CFAP92: variants seen among roughly 807,000 people sequenced by gnomAD.
The protein encoded by CFAP92 is cilia and flagella associated protein 92 (putative).
CFAP92 carries 86 observed loss-of-function variants against 106.3 expected under a neutral mutation model. The observed-to-expected ratio is 0.81, with a 90% CI of 0.68 to 0.97. The LOEUF is 0.97. CFAP92 is among the 50% of genes least tolerant of loss of function. The pLI is 0.00. For missense variants in CFAP92, 1,204 were observed against 1,283.8 expected (o/e 0.94, Z 0.95); for synonymous variants, 477 against 506.4 (o/e 0.94, Z 0.78).
intron 1 of CFAP92, among the ~76,000 whole-genome samples, chr3:129,000,044 C>T (rs1216596988): frequency 6.6e-6 from 1 of 152,176 alleles, no homozygotes; most frequent in Non-Finnish European, 1.5e-5. Flanking sequence ...TGTGCATAAT[C>T]AGCTTGTGGC....
chr3:128,929,408 C>A (rs1250338371), intron 12 of CFAP92, among the ~76,000 whole-genome samples: 1 of 152,100 alleles, frequency 6.6e-6, no homozygotes, highest in Admixed American at 6.6e-5. Context: ...TATGACCCAG[C>A]AATTCCACTC....
the CFAP92 span, among the ~76,000 whole-genome samples, chr3:129,007,882 G>C: frequency 6.6e-6 from 1 of 152,164 alleles, no homozygotes; most frequent in Non-Finnish European, 1.5e-5. Context: ...TATCTCTGTA[G>C]CATTCAACCA....
the CFAP92 span, among the ~76,000 whole-genome samples, chr3:129,009,780 G>A: frequency 1.7e-3 from 263 of 152,282 alleles, 1 homozygote; most frequent in African/African-American, 6.0e-3. Flanking sequence ...CTGAAGCCCC[G>A]GGAGGAAACC....
At chr3:129,001,809 G>A (rs1944773502) in intron 1 of CFAP92, 1 of 1,545,520 alleles carries the variant, frequency 6.5e-7, no homozygotes, top group Middle Eastern at 1.7e-4. Flanking sequence ...GTACCTGCAG[G>A]AGGTCTTCCA....
At chr3:128,912,557 C>G (rs1936453573) in intron 15 of CFAP92, 18 of 1,614,050 alleles carry the variant, frequency 1.1e-5, no homozygotes, top group Admixed American at 1.7e-5. Flanking sequence ...CCAGCAGATC[C>G]TTGAGAAGCG....
chr3:128,946,638 A>G (rs535957448), intron 9 of CFAP92, among the ~76,000 whole-genome samples: 2 of 152,352 alleles, frequency 1.3e-5, no homozygotes, highest in South Asian at 2.1e-4. Context: ...TTTACACGGA[A>G]GCTGAGAATT....
intron 7 of CFAP92, among the ~76,000 whole-genome samples, chr3:128,972,216 C>T (rs1301813058): frequency 6.6e-6 from 1 of 151,812 alleles, no homozygotes; most frequent in East Asian, 1.9e-4. Context: ...ATCTAGGAGA[C>T]TATACTGACA....
At chr3:129,006,596 G>A (rs751079878), upstream of CFAP92, among the ~76,000 whole-genome samples, 12 of 152,222 alleles carry the variant, frequency 7.9e-5, no homozygotes, top group Non-Finnish European at 1.6e-4. Flanking sequence ...GATTACAGGT[G>A]TGAGCCACTG....
intron 12 of CFAP92, among the ~76,000 whole-genome samples, chr3:128,924,145 A>G (rs555743441): frequency 1.5e-4 from 23 of 152,256 alleles, no homozygotes; most frequent in Admixed American, 6.5e-4. Context: ...GAGTGTTGGG[A>G]AAAAAGCTGA....
chr3:128,998,095 C>T (rs527705189), upstream of CFAP92, among the ~76,000 whole-genome samples: 1 of 152,186 alleles, frequency 6.6e-6, no homozygotes, highest in African/African-American at 2.4e-5. Context: ...TATACAACTT[C>T]TTTGGTGAAA....
At chr3:128,998,837 T>C (rs1479080832), upstream of CFAP92, among the ~76,000 whole-genome samples, 2 of 152,196 alleles carry the variant, frequency 1.3e-5, no homozygotes, top group African/African-American at 2.4e-5. Context: ...TCATGTCAAG[T>C]TGAATGAGCT....
chr3:128,953,741 G>T (rs1243336994), intron 9 of CFAP92, among the ~76,000 whole-genome samples: 5 of 125,286 alleles, frequency 4.0e-5, no homozygotes, highest in Non-Finnish European at 6.3e-5. Context: ...TCAGCCTGCC[G>T]AGTGCCTGCG....
chr3:129,004,199 T>C (rs1944954906), upstream of CFAP92: 7 of 1,192,420 alleles, frequency 5.9e-6, no homozygotes, highest in Non-Finnish European at 7.6e-6. Context: ...ATGCGTTTAT[T>C]CATGTATTCT....
At position 128,987,693 on chromosome 3, in the gene CFAP92, T is replaced by C; in HGVS notation, c.590A>G (p.Lys197Arg). The C allele has an allele frequency of 9.3e-6, 15 of 1,613,984 alleles. No individual in the cohort carries two copies. The highest frequency in any genetic ancestry group is 1.0e-5 in the Non-Finnish European group (12 of 1,179,906). The change falls in exon 4 of 16, where the codon AAG (lysine) becomes AGG (arginine). Residue 197 changes from lysine to arginine, a missense_variant. Coordinates refer to ENST00000645291, the MANE Select transcript of CFAP92 (RefSeq NM_001394090.1). ...GTAATATCTGACTTTTCTTGACATCTTGTCTTTAGTGTTCCAGAGCCTCAA... is the reference window on the plus strand; with the variant it reads ...GTAATATCTGACTTTTCTTGACATCCTGTCTTTAGTGTTCCAGAGCCTCAA... ...ITLRLWNTKD[K>R]MSRKVRYYRL...
At position 128,913,145 on chromosome 3, in the gene CFAP92, A is replaced by G. The variant is rs894054809; in HGVS notation, c.3280+1974T>C. On this transcript the variant is annotated intron_variant, in intron 15 of 15. Coordinates refer to ENST00000645291, the MANE Select transcript of CFAP92 (RefSeq NM_001394090.1). ...TGCTGTACTTGTCACACTGTTCCTTAGAACCAGCCTTTAATGGGTGACAGC... is the reference window on the plus strand; with the variant it reads ...TGCTGTACTTGTCACACTGTTCCTTGGAACCAGCCTTTAATGGGTGACAGC... The G allele has an allele frequency of 9.6e-5, 41 of 428,748 alleles. No homozygotes were observed. The East Asian group carries it at 2.6e-3, about 28-fold the overall frequency. The allele number at this position is 428,748 out of a possible 1,614,324, so 26.6% of individuals were successfully genotyped here.
Position 128,982,645 on chromosome 3 carries a change from T to C in CFAP92, c.668-4460A>G, listed in dbSNP as rs569086068. Among the ~76,000 whole-genome samples, 24 of 152,316 alleles carry C rather than the reference T, an allele frequency of 1.6e-4. No homozygotes were observed. In the South Asian group the frequency reaches 5.0e-3, roughly 32 times the overall value. Reference sequence around the variant, plus strand: ...TTTCGATGTGGCTTCCTCACTAAGCTTAATCATTTCAAGCTTTTGACTTAA... The same window carrying C: ...TTTCGATGTGGCTTCCTCACTAAGCCTAATCATTTCAAGCTTTTGACTTAA... On this transcript the variant is annotated intron_variant, in intron 4 of 15. Transcript: ENST00000645291.
the CFAP92 span, among the ~76,000 whole-genome samples, chr3:129,023,166 A>C: frequency 1.4e-3 from 211 of 152,354 alleles, 1 homozygote; most frequent in African/African-American, 4.4e-3. Flanking sequence ...GCTGTCAGGG[A>C]CAGCAGAGGT....
intron 4 of CFAP92, among the ~76,000 whole-genome samples, chr3:128,981,011 G>A (rs559483838): frequency 2.0e-5 from 3 of 152,020 alleles, no homozygotes; most frequent in Non-Finnish European, 2.9e-5. Flanking sequence ...TCTAGAATGG[G>A]GAATCCTTTC....
chr3:128,932,678 G>C (rs941286613), intron 12 of CFAP92, 22 bp downstream of exon 12: 1 of 1,519,804 alleles, frequency 6.6e-7, no homozygotes, highest in Non-Finnish European at 8.8e-7. Flanking sequence ...GGAACCCCAA[G>C]TTGGGGAGGA....
Sources: gnomAD v4.1 joint callset for allele counts (sites outside exome capture counted in the v4.1 genomes callset) on GRCh38, gnomAD v4.1.1 for gene constraint, MANE v1.5 for transcripts, NCBI Gene and HGNC (gene_info 2026-07-23, HGNC 2026-07-21) for gene names.